Variants in DAW1 observed in about 807,000 individuals in gnomAD.
The protein encoded by DAW1 is dynein assembly factor with WD repeats 1.
DAW1 carries 47 observed loss-of-function variants against 56.5 expected under a neutral mutation model. The ratio of observed to expected loss-of-function variants is 0.83; its 90% CI spans 0.66 to 1.06. The LOEUF (loss-of-function observed/expected upper bound fraction) is 1.06, where lower values mean the gene tolerates loss of function less well. DAW1 is among the 50% of genes least tolerant of loss of function. The pLI is 0.00. For missense variants in DAW1, 505 were observed against 499.3 expected (o/e 1.01, Z -0.11); for synonymous variants, 190 against 179.0 (o/e 1.06, Z -0.49).
rs1318911877 is a variant in DAW1 at position 227,898,283 on chromosome 2, T to C, written c.540+2T>C. 3 of 1,452,484 alleles carry C rather than the reference T, an allele frequency of 2.1e-6. No individual in the cohort carries two copies. The highest frequency in any genetic ancestry group is 2.8e-6 in the Non-Finnish European group (3 of 1,084,350). The allele number at this position is 1,452,484 out of a possible 1,614,324, so 90.0% of individuals were successfully genotyped here. On this transcript the variant is annotated splice_donor_variant, in intron 6 of 12. Transcript: ENST00000309931. LOFTEE classifies it high-confidence loss of function. ...TTCAGGGGTCATACAGCAGAAATAG[T>C]GAGTATATTTAACAATTTATTATTA... is the stretch of plus-strand genomic sequence containing the variant.
chr2:227,872,018 A>G (rs1690763258), intron 1 of DAW1: 2 of 467,522 alleles, frequency 4.3e-6, no homozygotes, highest in South Asian at 4.0e-5. Flanking sequence ...GCTCTCTGCT[A>G]TGGACCTTTA....
chr2:227,880,806 G>A (rs745744098), intron 1 of DAW1, among the ~76,000 whole-genome samples: 1 of 152,200 alleles, frequency 6.6e-6, no homozygotes, highest in Non-Finnish European at 1.5e-5. Context: ...AGGAGAAGCA[G>A]TGTTGAAGGA....
chr2:227,911,453 A>G (rs1691826140), intron 10 of DAW1, among the ~76,000 whole-genome samples: 1 of 151,100 alleles, frequency 6.6e-6, no homozygotes, highest in East Asian at 1.9e-4. Flanking sequence ...GACACAATTC[A>G]GCATATAATA....
In DAW1 at chr2:227,880,360, G is replaced by T. The variant is rs186442447; in HGVS notation, c.41-4991G>T. On this transcript the variant is annotated intron_variant, in intron 1 of 12. Coordinates refer to ENST00000309931, the MANE Select transcript of DAW1 (RefSeq NM_178821.3). ...TGTAATGTCCATATTTTGCTGAAAA[G>T]TTTAATATGACACAAACAGTCTTTT... 1.3e-3 allele frequency among the ~76,000 whole-genome samples: 184 copies of T among 145,660 alleles called. 1 individual carries two copies. Among genetic ancestry groups the T allele is most frequent in the African/African-American group, 4.3e-3 (171 of 39,696 alleles).
chr2:227,920,139 A>G (rs1419326543), intron 11 of DAW1, among the ~76,000 whole-genome samples: 1 of 152,050 alleles, frequency 6.6e-6, no homozygotes, highest in Non-Finnish European at 1.5e-5. Context: ...CCATAAGTAA[A>G]CATCTATTTT....
At chr2:227,912,412 C>G in intron 10 of DAW1, 1 of 1,304,854 alleles carries the variant, frequency 7.7e-7, no homozygotes, top group Admixed American at 2.3e-5. Context: ...GTGTTCATCT[C>G]TTTGATCACT....
chr2:227,898,525 T>C (rs1004742172), intron 6 of DAW1, among the ~76,000 whole-genome samples: 2 of 152,090 alleles, frequency 1.3e-5, no homozygotes, highest in South Asian at 4.1e-4. Flanking sequence ...TTTCACTGTA[T>C]TAGCCAGGAT....
chr2:227,887,983 A>G (rs1441806509), intron 2 of DAW1, among the ~76,000 whole-genome samples: 4 of 152,188 alleles, frequency 2.6e-5, no homozygotes, highest in Non-Finnish European at 5.9e-5. Flanking sequence ...TAAGTTGTTG[A>G]AAACGTTTCA....
intron 10 of DAW1, among the ~76,000 whole-genome samples, chr2:227,913,940 A>T (rs1363312550): frequency 6.7e-6 from 1 of 148,858 alleles, no homozygotes; most frequent in Admixed American, 6.7e-5. Context: ...CATCATCATC[A>T]TCATCATCAT....
chr2:227,897,720 G>C (rs1323999337), intron 5 of DAW1, among the ~76,000 whole-genome samples: 2 of 152,154 alleles, frequency 1.3e-5, no homozygotes, highest in Non-Finnish European at 2.9e-5. Flanking sequence ...TCCTTAAGAG[G>C]ACAAGCACCG....
intron 5 of DAW1, among the ~76,000 whole-genome samples, chr2:227,897,145 T>G (rs1691430584): frequency 6.6e-6 from 1 of 150,618 alleles, no homozygotes; most frequent in Non-Finnish European, 1.5e-5. Flanking sequence ...GAGCACGTAT[T>G]GGAAGACATC....
intron 10 of DAW1, among the ~76,000 whole-genome samples, chr2:227,908,793 A>G (rs1045125726): frequency 6.6e-6 from 1 of 152,156 alleles, no homozygotes; most frequent in African/African-American, 2.4e-5. Context: ...GTGATGCTAT[A>G]CTAAGTCTAT....
At chr2:227,895,193 G>T (rs1178085196) in intron 5 of DAW1, among the ~76,000 whole-genome samples, 1 of 152,190 alleles carries the variant, frequency 6.6e-6, no homozygotes, top group Non-Finnish European at 1.5e-5. Flanking sequence ...AGATATTGTA[G>T]AGGTTTGATA....
chr2:227,883,344 G>A (rs763320563), intron 1 of DAW1, among the ~76,000 whole-genome samples: 2 of 152,196 alleles, frequency 1.3e-5, no homozygotes, highest in African/African-American at 2.4e-5. Context: ...TTCTGATATT[G>A]TGTGATGAAA....
intron 5 of DAW1, chr2:227,895,386 G>C (rs763882581): frequency 6.6e-6 from 1 of 152,202 alleles, no homozygotes; most frequent in Non-Finnish European, 1.5e-5. Context: ...CATAAAGGAA[G>C]CTGGTTCTAT....
rs1438569417 is a variant in DAW1, at chr2:227,893,835, G to A, written c.358G>A (p.Asp120Asn). 1 of 1,613,926 alleles carries A rather than the reference G, an allele frequency of 6.2e-7. No homozygotes were observed. Among genetic ancestry groups the A allele is most frequent in the Non-Finnish European group, 8.5e-7 (1 of 1,179,906 alleles). Residue 120 changes from aspartate to asparagine, a missense_variant, in exon 5 of 13, where the codon GAC (aspartate) becomes AAC (asparagine). By Grantham distance (23) the Asp-to-Asn change is conservative. Transcript: ENST00000309931. The stretch of plus-strand genomic sequence containing the variant: ...CTATGATCGGACGTGCAAGCTCTGG[G>A]ACACTGCGTCTGGAGAGGAGCTGAA... ...GSYDRTCKLW[D>N]TASGEELNTL...
intron 11 of DAW1, among the ~76,000 whole-genome samples, chr2:227,919,211 A>T: frequency 2.0e-4 from 1 of 4,976 alleles, no homozygotes; most frequent in South Asian, 0.01. Flanking sequence ...AAAAAAAAGA[A>T]AAAAAAAAAA....
chr2:227,923,956 G>A lies in DAW1; in HGVS notation c.1236G>A (p.Arg412=), dbSNP rs755431258. Residue 412 remains arginine (R), a synonymous_variant, in exon 13 of 13, where the codon AGG becomes AGA. Coordinates refer to ENST00000309931, the MANE Select transcript of DAW1 (RefSeq NM_178821.3). ...TAGGCAGCAAGGATAATACCTGTAG[G>A]ATATGGCGTTGACTGAAGGAAGCTG... ...VITGSKDNTC[R]IWR 6.2e-7 allele frequency: 1 copy of A among 1,614,058 alleles called. No homozygotes were observed. Among genetic ancestry groups the A allele is most frequent in the Admixed American group, 1.7e-5 (1 of 60,014 alleles).
intron 10 of DAW1, among the ~76,000 whole-genome samples, chr2:227,908,641 CAT>C (rs1253967286): frequency 6.6e-6 from 1 of 152,218 alleles, no homozygotes; most frequent in African/African-American, 2.4e-5. Flanking sequence ...TCCTGAAAAA[CAT>C]GTGTTAACAC....
Sources: gnomAD v4.1 joint callset for allele counts (sites outside exome capture counted in the v4.1 genomes callset) on GRCh38, gnomAD v4.1.1 for gene constraint, MANE v1.5 for transcripts, NCBI Gene and HGNC (gene_info 2026-07-23, HGNC 2026-07-21) for gene names.